Variants in MESD observed in about 807,000 individuals in gnomAD.
MESD encodes mesoderm development LRP chaperone.
A neutral mutation model predicts 12.9 loss-of-function variants in MESD; 7 were observed. The observed-to-expected ratio is 0.54, with a 90% confidence interval of 0.31 to 1.02. The LOEUF (loss-of-function observed/expected upper bound fraction) is 1.02, where lower values mean the gene tolerates loss of function less well. MESD is among the 50% of genes least tolerant of loss of function. The pLI is 0.05. For missense variants in MESD, 342 were observed against 296.7 expected, an observed-to-expected ratio of 1.15 and a Z score of -1.12; for synonymous variants, 126 against 115.6, an observed-to-expected ratio of 1.09 and a Z score of -0.58.
At chr15:80,986,445 T>C (rs1454898059) in intron 1 of MESD, among the ~76,000 whole-genome samples, 1 of 152,208 alleles carries the variant, frequency 6.6e-6, no homozygotes, top group Non-Finnish European at 1.5e-5. Flanking sequence ...TGATTAATGT[T>C]TAGGAGACAG....
chr15:80,959,619 G>A (rs1256222820), intron 3 of MESD, among the ~76,000 whole-genome samples: 2 of 152,206 alleles, frequency 1.3e-5, no homozygotes, highest in Non-Finnish European at 2.9e-5. Context: ...TGCCATAACG[G>A]AGAACACTTA....
At chr15:80,952,173 G>A (rs771740001) in exon 4 of MESD, 1 of 456,150 alleles carries the variant, frequency 2.2e-6, no homozygotes, top group Non-Finnish European at 4.4e-6. Flanking sequence ...TTGGCTGGAG[G>A]CCAAACACGT....
chr15:80,981,394 G>A (rs1300528027), intron 2 of MESD, among the ~76,000 whole-genome samples: 1 of 135,758 alleles, frequency 7.4e-6, no homozygotes, highest in Admixed American at 8.2e-5. Flanking sequence ...CTGAGACTGC[G>A]CCACTGCACT....
At chr15:80,958,313 A>G (rs1454974082) in intron 3 of MESD, among the ~76,000 whole-genome samples, 1 of 152,084 alleles carries the variant, frequency 6.6e-6, no homozygotes, top group Non-Finnish European at 1.5e-5. Flanking sequence ...GATTGGTCCC[A>G]GGCATTTATT....
intron 3 of MESD, among the ~76,000 whole-genome samples, chr15:80,965,304 C>G (rs1902155285): frequency 6.6e-6 from 1 of 152,190 alleles, no homozygotes; most frequent in Non-Finnish European, 1.5e-5. Flanking sequence ...CAGGAAACAA[C>G]AGATACTGGA....
chr15:80,975,293 G>A (rs570146725), downstream of MESD, among the ~76,000 whole-genome samples: 2 of 152,024 alleles, frequency 1.3e-5, no homozygotes, highest in East Asian at 3.9e-4. Flanking sequence ...GCTGAGGCAA[G>A]AGGATGGCTT....
chr15:80,950,503 C>T (rs1429961814), intron 4 of MESD: 1 of 152,328 alleles, frequency 6.6e-6, no homozygotes, highest in Non-Finnish European at 1.5e-5. Flanking sequence ...TCCCTGTGGC[C>T]TTCACTTTGT....
At chr15:80,948,371 T>TA in exon 5 of MESD, 1 of 311,470 alleles carries the variant, frequency 3.2e-6, no homozygotes, top group African/African-American at 2.2e-5. Flanking sequence ...CACAGAGTGA[T>TA]AGAGTGGGGA....
chr15:80,960,291 G>GTAA (rs1902062120), intron 3 of MESD, among the ~76,000 whole-genome samples: 1 of 151,512 alleles, frequency 6.6e-6, no homozygotes, highest in African/African-American at 2.4e-5. Flanking sequence ...CCTGAGCTTA[G>GTAA]GGAAGTCAAG....
At chr15:80,954,718 A>T (rs981719257) in intron 3 of MESD, among the ~76,000 whole-genome samples, 1 of 152,254 alleles carries the variant, frequency 6.6e-6, no homozygotes, top group Non-Finnish European at 1.5e-5. Flanking sequence ...TGCATGACTC[A>T]GCTTTGAAAG....
intron 3 of MESD, among the ~76,000 whole-genome samples, chr15:80,970,025 A>C (rs1902252329): frequency 6.6e-6 from 1 of 152,258 alleles, no homozygotes; most frequent in South Asian, 2.1e-4. Context: ...TTACTAGAAC[A>C]GTACACATGG....
At chr15:80,952,780 G>A (rs1332464680) in intron 3 of MESD, among the ~76,000 whole-genome samples, 1 of 152,222 alleles carries the variant, frequency 6.6e-6, no homozygotes, top group Non-Finnish European at 1.5e-5. Context: ...CAGCTGTGCA[G>A]TAGAGAGTAC....
chr15:80,970,991 G>A (rs1423363283), downstream of MESD, among the ~76,000 whole-genome samples: 1 of 152,164 alleles, frequency 6.6e-6, no homozygotes, highest in African/African-American at 2.4e-5. Flanking sequence ...AGATATCAAG[G>A]GTAAGAAGTT....
At chr15:80,988,445 T>G (rs1053503093) in intron 1 of MESD, among the ~76,000 whole-genome samples, 5 of 152,186 alleles carry the variant, frequency 3.3e-5, no homozygotes, top group Non-Finnish European at 5.9e-5. Context: ...TGAGGTGATG[T>G]TCTCACTCTG....
chr15:80,984,677 A>G (rs11072969), intron 1 of MESD, among the ~76,000 whole-genome samples: 25,912 of 152,046 alleles, frequency 0.17, 2,344 homozygotes, highest in African/African-American at 0.25. Flanking sequence ...TTTGGTGATG[A>G]CTGTACAATT....
At chr15:80,947,250 C>T, downstream of MESD, 4 of 596,424 alleles carry the variant, frequency 6.7e-6, no homozygotes, top group East Asian at 2.8e-5. Flanking sequence ...CACCTGTTTA[C>T]CACCCCTGCA....
chr15:80,986,171 A>G (rs1168593910), intron 1 of MESD, among the ~76,000 whole-genome samples: 4 of 152,206 alleles, frequency 2.6e-5, no homozygotes, highest in Non-Finnish European at 5.9e-5. Context: ...AGACACAGAA[A>G]GACAAATACC....
At chr15:80,986,534 AATT>A (rs2141817539) in intron 1 of MESD, among the ~76,000 whole-genome samples, 1 of 152,330 alleles carries the variant, frequency 6.6e-6, no homozygotes, top group Admixed American at 6.5e-5. Flanking sequence ...AAATATGTAT[AATT>A]ATTATATGTT....
intron 3 of MESD, among the ~76,000 whole-genome samples, chr15:80,958,431 A>G (rs1902026897): frequency 6.6e-6 from 1 of 152,156 alleles, no homozygotes; most frequent in Non-Finnish European, 1.5e-5. Context: ...CCCAGGTTCA[A>G]GCAATTCTCC....
Sources: allele counts gnomAD v4.1 joint callset (sites outside exome capture counted in the v4.1 genomes callset), GRCh38; gene constraint gnomAD v4.1.1; transcripts MANE v1.5; gene names NCBI Gene and HGNC (gene_info 2026-07-23, HGNC 2026-07-21).